Variants in ZNF609 observed in about 807,000 individuals in gnomAD.
ZNF609 encodes zinc finger protein 609.
ZNF609 carries 11 observed loss-of-function variants against 109.5 expected under a neutral mutation model. The observed-to-expected ratio is 0.10, with a 90% CI of 0.06 to 0.17. The LOEUF (loss-of-function observed/expected upper bound fraction) is 0.17, where lower values mean the gene tolerates loss of function less well. Ranked by LOEUF, ZNF609 falls within the 10% of genes least tolerant of loss-of-function variation. The pLI is 1.00. For synonymous variants in ZNF609, 646 were observed against 662.0 expected (o/e 0.98, Z 0.37); for missense variants, 1,559 against 1,772.4 (o/e 0.88, Z 2.16).
intron 1 of ZNF609, among the ~76,000 whole-genome samples, chr15:64,471,726 G>A (rs556508863): frequency 3.9e-4 from 60 of 152,018 alleles, no homozygotes; most frequent in Non-Finnish European, 6.6e-4. Context: ...TGGCATTACA[G>A]GCATGCGGCA....
At chr15:64,669,859 G>GT (rs1413413469) in intron 3 of ZNF609, among the ~76,000 whole-genome samples, 4 of 151,996 alleles carry the variant, frequency 2.6e-5, no homozygotes, top group Non-Finnish European at 4.4e-5. Flanking sequence ...GTAGAGACAG[G>GT]TTTTCCCCAT....
At chr15:64,601,617 G>A (rs1827829200) in intron 2 of ZNF609, among the ~76,000 whole-genome samples, 1 of 152,138 alleles carries the variant, frequency 6.6e-6, no homozygotes, top group African/African-American at 2.4e-5. Context: ...GAGTTTTATT[G>A]AGCTCAAACA....
chr15:64,551,149 A>G (rs1221359861), intron 2 of ZNF609, among the ~76,000 whole-genome samples: 1 of 152,038 alleles, frequency 6.6e-6, no homozygotes, highest in Non-Finnish European at 1.5e-5. Context: ...CACAACTCCT[A>G]GGCTCAAGCA....
rs1191646370 is a variant in ZNF609, at chr15:64,644,977, TTCTTTTTC to T, written c.973+21927_973+21934del. ...CTCTTTCTTTTCTTTTCTTCTTTCTTTCTTTTTCTTTCTTTCTTTCTTTCTTTCTTTCT... is the reference window on the plus strand; with the variant it reads ...CTCTTTCTTTTCTTTTCTTCTTTCTTTTTCTTTCTTTCTTTCTTTCTTTCT... On this transcript the variant is annotated intron_variant, in intron 3 of 9. Transcript: ENST00000326648. Among the ~76,000 whole-genome samples the T allele has an allele frequency of 2.2e-5, 3 of 139,102 alleles. No homozygotes were observed. In the East Asian group the frequency reaches 5.9e-4, roughly 27 times the overall value. The allele number at this position is 139,102 out of a possible 152,430, so 91.3% of individuals were successfully genotyped here. A position where few individuals can be genotyped will look rare whatever the true frequency, so the allele number is the denominator to read the frequency against.
At position 64,574,107 on chromosome 15, in the gene ZNF609, C is replaced by T. The variant is rs76838707; in HGVS notation, c.748-48720C>T. Among the ~76,000 whole-genome samples, 474 of 151,230 alleles carry T rather than the reference C, an allele frequency of 3.1e-3. 1 individual carries two copies. Among genetic ancestry groups the T allele is most frequent in the African/African-American group, 0.011 (457 of 41,076 alleles). ...TTAGGGGCCCCTGTTCACTGAGGGG[C>T]TAACAGCTGGAATTGTGGCACTGCA... On this transcript the variant is annotated intron_variant, in intron 2 of 9. Coordinates refer to ENST00000326648, the MANE Select transcript of ZNF609 (RefSeq NM_015042.2).
intron 1 of ZNF609, among the ~76,000 whole-genome samples, chr15:64,465,291 T>A (rs148724257): frequency 1.1e-3 from 172 of 152,352 alleles, no homozygotes; most frequent in Middle Eastern, 6.8e-3. Context: ...ACTCAAGTGA[T>A]TTTGCATGTG....
In ZNF609 at chr15:64,611,736, C is replaced by T. The variant is rs912219372; in HGVS notation, c.748-11091C>T. On this transcript the variant is annotated intron_variant, in intron 2 of 9. Transcript: ENST00000326648. ...GTTCACTGTACTTGAATTTTCTTTT[C>T]TTTTTTTTTTTTTGAGATGGAGTCT... Among the ~76,000 whole-genome samples the T allele has an allele frequency of 7.2e-4, 103 of 143,454 alleles. 1 individual carries two copies. The highest frequency in any genetic ancestry group is 1.3e-3 in the South Asian group (6 of 4,470). The allele number at this position is 143,454 out of a possible 152,430, so 94.1% of individuals were successfully genotyped here.
chr15:64,673,804 A>G, intron 4 of ZNF609, 112 bp from the exon 5 acceptor site: 2 of 1,204,806 alleles, frequency 1.7e-6, no homozygotes, highest in Non-Finnish European at 2.3e-6. Flanking sequence ...AACAAATCAT[A>G]TTCATTGAAA....
chr15:64,528,715 G>A (rs1246235676), intron 2 of ZNF609: 3 of 1,149,454 alleles, frequency 2.6e-6, no homozygotes, highest in Non-Finnish European at 3.9e-6. Flanking sequence ...CCCTGTTGCT[G>A]TAGCCAAATT....
intron 2 of ZNF609, among the ~76,000 whole-genome samples, chr15:64,601,824 G>A (rs1181984022): frequency 1.3e-5 from 2 of 152,154 alleles, no homozygotes; most frequent in Non-Finnish European, 1.5e-5. Flanking sequence ...AATCACTTGT[G>A]AACTACTTGT....
At position 64,524,164 on chromosome 15, in the gene ZNF609, A is replaced by G. The variant is rs193277740; in HGVS notation, c.747+23998A>G. The stretch of plus-strand genomic sequence containing the variant: ...ATTCCAGAATATTTTCATCTCCTCA[A>G]AAAGAAACCCTGTACCCATCAGCAG... On this transcript the variant is annotated intron_variant, in intron 2 of 9. Coordinates refer to ENST00000326648, the MANE Select transcript of ZNF609 (RefSeq NM_015042.2). Among the ~76,000 whole-genome samples, 69 of 152,276 alleles carry G rather than the reference A, an allele frequency of 4.5e-4. No homozygotes were observed. The East Asian group carries it at 0.013, about 28-fold the overall frequency.
Position 64,499,660 on chromosome 15 carries a change from C to G in ZNF609, c.241C>G (p.Pro81Ala). The G allele has an allele frequency of 6.2e-7, 1 of 1,614,140 alleles. No individual in the cohort carries two copies. Among genetic ancestry groups the G allele is most frequent in the Non-Finnish European group, 8.5e-7 (1 of 1,180,030 alleles). ...CAAGTTTGTGACCCCAGTGCCAGGTCCTCAAGGGAAGGAAGGCAAATCAAA... is the reference window on the plus strand; with the variant it reads ...CAAGTTTGTGACCCCAGTGCCAGGTGCTCAAGGGAAGGAAGGCAAATCAAA... The part of the protein sequence containing the change: ...NIKFVTPVPG[P>A]QGKEGKSKSK... The change falls in exon 2 of 10, where the codon CCT becomes GCT. Residue 81 changes from proline (P) to alanine (A), a missense_variant. This residue lies in a region of ZNF609 where 291 missense variants were observed against 317.8 expected (regional missense o/e 0.92). Coordinates refer to ENST00000326648, the MANE Select transcript of ZNF609 (RefSeq NM_015042.2).
At chr15:64,601,910 G>A (rs906729169) in intron 2 of ZNF609, among the ~76,000 whole-genome samples, 4 of 152,168 alleles carry the variant, frequency 2.6e-5, no homozygotes, top group African/African-American at 9.7e-5. Flanking sequence ...TTCAAAGTCA[G>A]ACATACATTG....
At chr15:64,540,326 CTGA>C (rs1894228580) in intron 2 of ZNF609, among the ~76,000 whole-genome samples, 1 of 152,172 alleles carries the variant, frequency 6.6e-6, no homozygotes, top group Admixed American at 6.5e-5. Flanking sequence ...TTCGAAGTTG[CTGA>C]TGGCTTTGTG....
intron 3 of ZNF609, among the ~76,000 whole-genome samples, chr15:64,667,651 G>A (rs1242445094): frequency 1.3e-5 from 2 of 152,124 alleles, no homozygotes; most frequent in East Asian, 3.9e-4. Flanking sequence ...GGTGGAGGTT[G>A]CAATGAGCTG....
intron 2 of ZNF609, among the ~76,000 whole-genome samples, chr15:64,592,073 C>T (rs1286052302): frequency 6.6e-6 from 1 of 151,444 alleles, no homozygotes; most frequent in Non-Finnish European, 1.5e-5. Context: ...AGATAGATCA[C>T]TGGATCACTG....
chr15:64,572,194 C>T (rs1361816251), intron 2 of ZNF609, among the ~76,000 whole-genome samples: 9 of 152,080 alleles, frequency 5.9e-5, no homozygotes, highest in Non-Finnish European at 1.2e-4. Context: ...TGAGTTCTTC[C>T]CTGAATACTG....
At chr15:64,651,477 A>T (rs1486138280) in intron 3 of ZNF609, among the ~76,000 whole-genome samples, 1 of 152,076 alleles carries the variant, frequency 6.6e-6, no homozygotes, top group Non-Finnish European at 1.5e-5. Flanking sequence ...TAAAAAGGTG[A>T]CTCTAGGTAA....
At chr15:64,627,155 A>T (rs946717420) in intron 3 of ZNF609, among the ~76,000 whole-genome samples, 1 of 151,156 alleles carries the variant, frequency 6.6e-6, no homozygotes, top group African/African-American at 2.4e-5. Context: ...GTGCCACTAC[A>T]CTCCAGCCTG....
Sources: gnomAD v4.1 joint callset for allele counts (sites outside exome capture counted in the v4.1 genomes callset) on GRCh38, gnomAD v4.1.1 for gene constraint, gnomAD v4.1.1 regional missense constraint, MANE v1.5 for transcripts, NCBI Gene and HGNC (gene_info 2026-07-23, HGNC 2026-07-21) for gene names.